Variants in PVT1 observed in about 807,000 individuals in gnomAD.
PVT1 encodes CXCR4/PVT1 fusion.
intron 3 of PVT1, chr8:127,984,227 T>C (rs900680935): frequency 6.6e-6 from 1 of 152,172 alleles, no homozygotes; most frequent in Non-Finnish European, 1.5e-5. Flanking sequence ...ATAGAAACAC[T>C]CCTCAGTTTG....
intron 3 of PVT1, among the ~76,000 whole-genome samples, chr8:127,944,479 C>T (rs1816395868): frequency 6.6e-6 from 1 of 151,998 alleles, no homozygotes; most frequent in Admixed American, 6.6e-5. Context: ...ACTGACCTCA[C>T]CGGGCTGTTG....
intron 4 of PVT1, among the ~76,000 whole-genome samples, chr8:128,057,425 C>T (rs1326344994): frequency 6.6e-6 from 1 of 152,104 alleles, no homozygotes; most frequent in African/African-American, 2.4e-5. Context: ...TTTCATGGCC[C>T]CAGGTCCTAA....
intron 4 of PVT1, among the ~76,000 whole-genome samples, chr8:127,994,094 C>A (rs1335599061): frequency 6.6e-6 from 1 of 152,208 alleles, no homozygotes; most frequent in Non-Finnish European, 1.5e-5. Flanking sequence ...GTTCTCCCAG[C>A]ACATTCTCTG....
chr8:128,016,013 G>A (rs1018375978), intron 4 of PVT1, among the ~76,000 whole-genome samples: 2 of 152,094 alleles, frequency 1.3e-5, no homozygotes, highest in Non-Finnish European at 2.9e-5. Context: ...TTCTAGACGA[G>A]CTTTAGAAGG....
At chr8:127,963,990 G>C (rs1288818980) in intron 3 of PVT1, among the ~76,000 whole-genome samples, 1 of 152,224 alleles carries the variant, frequency 6.6e-6, no homozygotes, top group African/African-American at 2.4e-5. Context: ...GTCGAGTGGA[G>C]AATGGCTGAA....
chr8:127,807,958 C>T (rs1586387993), intron 2 of PVT1, among the ~76,000 whole-genome samples: 2 of 151,836 alleles, frequency 1.3e-5, no homozygotes, highest in South Asian at 4.2e-4. Context: ...TTAGTAGAGA[C>T]GGGGTTTCAC....
rs1293036762 is a variant in PVT1 at position 127,997,044 on chromosome 8, G to GTTTTTT, written n.912+7760_912+7765dup. Among the ~76,000 whole-genome samples, 106 of 81,574 alleles carry GTTTTTT rather than the reference G, an allele frequency of 1.3e-3. 14 individuals carry two copies. Among genetic ancestry groups the GTTTTTT allele is most frequent in the Non-Finnish European group, 1.6e-3 (71 of 44,498 alleles). 53.5% of individuals were successfully genotyped at this position (81,574 alleles called of 152,430 possible). A position where few individuals can be genotyped will look rare whatever the true frequency, so the allele number is the denominator to read the frequency against. On this transcript the variant is annotated intron_variant and non_coding_transcript_variant, in intron 4 of 10. Transcript: ENST00000651587. ...GAACATTCACTGGTCATTTGCTTTC[G>GTTTTTT]TTTTTTTTTTTTGTTTGTTTGTTTT...
exon 2 of PVT1, chr8:127,795,978 T>C (rs1357756816): frequency 5.9e-6 from 1 of 170,408 alleles, no homozygotes; most frequent in Non-Finnish European, 1.5e-5. Flanking sequence ...TGGCCTGGTC[T>C]CCATTATTTG....
At chr8:127,875,259 A>G (rs73355298) in intron 2 of PVT1, among the ~76,000 whole-genome samples, 1,728 of 152,114 alleles carry the variant, frequency 0.011, 38 homozygotes, top group African/African-American at 0.039. Flanking sequence ...AGGAGGGTAC[A>G]CAGAGGTGGC....
intron 4 of PVT1, among the ~76,000 whole-genome samples, chr8:128,066,587 G>T (rs1467292639): frequency 6.6e-6 from 1 of 152,214 alleles, no homozygotes; most frequent in Non-Finnish European, 1.5e-5. Flanking sequence ...ATTGGTAGGG[G>T]TTTTCTTGGC....
chr8:127,806,729 C>A (rs1000408093), intron 2 of PVT1, among the ~76,000 whole-genome samples: 1 of 152,180 alleles, frequency 6.6e-6, no homozygotes, highest in Non-Finnish European at 1.5e-5. Context: ...TTAACCAACC[C>A]CTGAGTTGTT....
At chr8:128,030,832 G>C (rs1813379385) in intron 4 of PVT1, among the ~76,000 whole-genome samples, 1 of 152,134 alleles carries the variant, frequency 6.6e-6, no homozygotes, top group Non-Finnish European at 1.5e-5. Context: ...ACTAGCTTCT[G>C]TACCCCTCAA....
intron 4 of PVT1, chr8:127,998,165 C>G (rs940039486): frequency 5.3e-5 from 8 of 152,100 alleles, no homozygotes; most frequent in African/African-American, 1.7e-4. Flanking sequence ...TGTTTTTGTT[C>G]TTTCTTAACT....
intron 4 of PVT1, among the ~76,000 whole-genome samples, chr8:128,011,415 G>A (rs531891953): frequency 6.6e-6 from 1 of 152,142 alleles, no homozygotes; most frequent in East Asian, 1.9e-4. Flanking sequence ...GATGAAATTA[G>A]TGCCCTCAAA....
intron 4 of PVT1, among the ~76,000 whole-genome samples, chr8:128,010,793 G>A (rs771701791): frequency 2.6e-5 from 4 of 152,154 alleles, no homozygotes; most frequent in Admixed American, 6.5e-5. Context: ...CACATGTCCC[G>A]TCTTGTTGAA....
At chr8:128,086,064 G>C (rs940142696) in intron 5 of PVT1, among the ~76,000 whole-genome samples, 4 of 152,216 alleles carry the variant, frequency 2.6e-5, no homozygotes, top group African/African-American at 9.7e-5. Flanking sequence ...GAGCCAAAAT[G>C]TATTTTGCAA....
chr8:128,007,294 A>T (rs1419610878), intron 4 of PVT1, among the ~76,000 whole-genome samples: 2 of 152,226 alleles, frequency 1.3e-5, no homozygotes, highest in African/African-American at 4.8e-5. Flanking sequence ...TACTAAAGTT[A>T]ATTTCCTGAC....
At chr8:127,932,499 C>T (rs1437350128) in intron 3 of PVT1, 7 of 398,412 alleles carry the variant, frequency 1.8e-5, no homozygotes, top group Non-Finnish European at 3.1e-5. Context: ...AAATCAGCCC[C>T]GTTTATTCCT....
chr8:127,988,397 A>G (rs1816993879), intron 3 of PVT1, among the ~76,000 whole-genome samples: 1 of 152,156 alleles, frequency 6.6e-6, no homozygotes, highest in Non-Finnish European at 1.5e-5. Context: ...GCCACACCGG[A>G]GCATCACAGT....
Sources: gnomAD v4.1 joint callset for allele counts (sites outside exome capture counted in the v4.1 genomes callset) on GRCh38, gnomAD v4.1.1 for gene constraint, MANE v1.5 for transcripts, NCBI Gene and HGNC (gene_info 2026-07-23, HGNC 2026-07-21) for gene names.